The following ELL2 variants were observed in gnomAD, a reference collection of about 807,000 sequenced individuals.
The protein encoded by ELL2 is elongation factor for RNA polymerase II 2.
ELL2 carries 21 observed loss-of-function variants against 72.8 expected under a neutral mutation model. The observed-to-expected ratio is 0.29, with a 90% CI of 0.20 to 0.42. The LOEUF (loss-of-function observed/expected upper bound fraction) is 0.42, where lower values mean the gene tolerates loss of function less well. Ranked by LOEUF, ELL2 falls within the 10% of genes least tolerant of loss-of-function variation. The probability of loss-of-function intolerance (pLI) is 1.00; values close to 1 mark genes in which losing one functional copy is unlikely to be tolerated. For missense variants in ELL2, 568 were observed against 772.8 expected (o/e 0.73, Z 3.14); for synonymous variants, 266 against 283.2 (o/e 0.94, Z 0.61).
intron 2 of ELL2, among the ~76,000 whole-genome samples, chr5:95,931,796 T>TGAAA (rs1554077874): frequency 1.4e-5 from 1 of 72,546 alleles, no homozygotes; most frequent in Non-Finnish European, 2.3e-5. Flanking sequence ...GCCCTATCCA[T>TGAAA]AAAAAAAAAA....
chr5:95,929,159 A>C (rs1346580044), intron 2 of ELL2, among the ~76,000 whole-genome samples: 1 of 151,738 alleles, frequency 6.6e-6, no homozygotes, highest in Admixed American at 6.6e-5. Flanking sequence ...GCTCATCGCT[A>C]TTGCTGCCTT....
intron 5 of ELL2, among the ~76,000 whole-genome samples, chr5:95,903,683 T>C (rs370999235): frequency 2.0e-5 from 3 of 152,310 alleles, no homozygotes; most frequent in African/African-American, 7.2e-5. Context: ...ACCCAATATA[T>C]ATGCTGCTAA....
chr5:95,960,749 G>A (rs1267492595), intron 1 of ELL2, among the ~76,000 whole-genome samples: 1 of 152,088 alleles, frequency 6.6e-6, no homozygotes, highest in African/African-American at 2.4e-5. Context: ...AGCGCTAAGT[G>A]TGCGTGAGTC....
intron 1 of ELL2, among the ~76,000 whole-genome samples, chr5:95,945,508 T>C (rs1238032846): frequency 6.6e-6 from 1 of 152,180 alleles, no homozygotes; most frequent in Non-Finnish European, 1.5e-5. Flanking sequence ...CACACATCTG[T>C]TAATGGGGTA....
intron 10 of ELL2, chr5:95,890,837 T>G: frequency 4.4e-6 from 2 of 449,572 alleles, no homozygotes; most frequent in Non-Finnish European, 8.2e-6. Flanking sequence ...CAACTTTTTT[T>G]CCTATTTAGT....
chr5:95,907,296 A>ATATATATATATTTTTTTTT lies in ELL2; in HGVS notation c.482-515_482-514insAAAAAAAAATATATATATA. Among the ~76,000 whole-genome samples the ATATATATATATTTTTTTTT allele has an allele frequency of 3.0e-3, 348 of 116,364 alleles. 4 individuals are homozygous for ATATATATATATTTTTTTTT. Among genetic ancestry groups the ATATATATATATTTTTTTTT allele is most frequent in the African/African-American group, 0.013 (309 of 24,414 alleles). 76.3% of individuals were successfully genotyped at this position (116,364 alleles called of 152,430 possible). A position where few individuals can be genotyped will look rare whatever the true frequency, so the allele number is the denominator to read the frequency against. ...GTTAGTGATATATATATATATATATATTTTTTTTTTTTACAGGCCAAGACA... is the reference window on the plus strand; with the variant it reads ...GTTAGTGATATATATATATATATATATATATATATATTTTTTTTTTTTTTTTTTTTTACAGGCCAAGACA... On this transcript the variant is annotated intron_variant, in intron 4 of 11. Coordinates refer to ENST00000237853, the MANE Select transcript of ELL2 (RefSeq NM_012081.6).
At chr5:95,928,383 A>G (rs1210152078) in intron 2 of ELL2, among the ~76,000 whole-genome samples, 1 of 152,214 alleles carries the variant, frequency 6.6e-6, no homozygotes, top group African/African-American at 2.4e-5. Flanking sequence ...ATAAAGCTGC[A>G]TTTCATTTTT....
intron 2 of ELL2, among the ~76,000 whole-genome samples, chr5:95,940,628 A>T (rs3777177): frequency 0.035 from 5,298 of 152,308 alleles, 145 homozygotes; most frequent in Admixed American, 0.075. Flanking sequence ...TTAAGGTACA[A>T]TTTCAGTCAT....
At chr5:95,897,937 C>T (rs1370339031) in intron 8 of ELL2, among the ~76,000 whole-genome samples, 6 of 152,024 alleles carry the variant, frequency 3.9e-5, no homozygotes, top group African/African-American at 1.2e-4. Context: ...TGAGGCTGCA[C>T]AATATCATAA....
At chr5:95,913,175 G>C (rs1749667783) in intron 4 of ELL2, among the ~76,000 whole-genome samples, 1 of 152,204 alleles carries the variant, frequency 6.6e-6, no homozygotes, top group African/African-American at 2.4e-5. Context: ...ATGGGGGTCG[G>C]ATAGGGTCTT....
chr5:95,927,289 G>A (rs1750317794), intron 2 of ELL2, among the ~76,000 whole-genome samples: 3 of 150,068 alleles, frequency 2.0e-5, no homozygotes, highest in Admixed American at 2.0e-4. Flanking sequence ...AGGAATGAAG[G>A]GGAGAAATCA....
chr5:95,889,202 G>T, intron 10 of ELL2, 72 bp from the exon 11 acceptor site: 2 of 1,182,752 alleles, frequency 1.7e-6, no homozygotes, highest in Non-Finnish European at 2.5e-6. Context: ...TAGATAACAT[G>T]CATTCAGCAA....
At chr5:95,950,134 A>T (rs1186872977) in intron 1 of ELL2, among the ~76,000 whole-genome samples, 1 of 152,226 alleles carries the variant, frequency 6.6e-6, no homozygotes, top group Non-Finnish European at 1.5e-5. Context: ...GCAGAAGGAA[A>T]ATACCAGACA....
chr5:95,933,183 T>C (rs1026267194), intron 2 of ELL2, among the ~76,000 whole-genome samples: 6 of 152,156 alleles, frequency 3.9e-5, no homozygotes, highest in African/African-American at 9.7e-5. Context: ...TGTGGGAATA[T>C]AAGGCAGCAG....
chr5:95,907,277 G>GATATATATATATAT (rs748817419), intron 4 of ELL2, among the ~76,000 whole-genome samples: 2 of 119,916 alleles, frequency 1.7e-5, no homozygotes, highest in African/African-American at 3.5e-5. Flanking sequence ...ATCCGTTAGT[G>GATATATATATATAT]ATATATATAT....
intron 8 of ELL2, among the ~76,000 whole-genome samples, chr5:95,897,435 A>AT (rs1408759247): frequency 1.3e-5 from 2 of 152,202 alleles, no homozygotes; most frequent in African/African-American, 4.8e-5. Context: ...TAGAGGACAT[A>AT]TTTTTTAAAT....
intron 1 of ELL2, among the ~76,000 whole-genome samples, chr5:95,946,483 T>C (rs1751163009): frequency 6.6e-6 from 1 of 152,202 alleles, no homozygotes; most frequent in Non-Finnish European, 1.5e-5. Context: ...AATGGCTTTT[T>C]CCCTTCCTTG....
chr5:95,926,259 T>A (rs1011715601), intron 2 of ELL2, among the ~76,000 whole-genome samples: 2 of 151,926 alleles, frequency 1.3e-5, no homozygotes, highest in Non-Finnish European at 2.9e-5. Flanking sequence ...AGGGTAGCCT[T>A]CACTGGCAAT....
At chr5:95,894,067 A>G (rs1748769676) in intron 9 of ELL2, among the ~76,000 whole-genome samples, 1 of 152,168 alleles carries the variant, frequency 6.6e-6, no homozygotes, top group Non-Finnish European at 1.5e-5. Context: ...CCTGGCCAAT[A>G]TGGCGAAACG....
Sources: gnomAD v4.1 joint callset for allele counts (sites outside exome capture counted in the v4.1 genomes callset) on GRCh38, gnomAD v4.1.1 for gene constraint, MANE v1.5 for transcripts, NCBI Gene and HGNC (gene_info 2026-07-23, HGNC 2026-07-21) for gene names.